The following NRCAM variants were observed in gnomAD, a reference collection of about 807,000 sequenced individuals.
NRCAM encodes the protein NgCAM-related cell adhesion molecule.
NRCAM carries 83 observed loss-of-function variants against 156.5 expected under a neutral mutation model. The ratio of observed to expected loss-of-function variants is 0.53; its 90% CI spans 0.44 to 0.64. The LOEUF (loss-of-function observed/expected upper bound fraction) is 0.64, where lower values mean the gene tolerates loss of function less well. Ranked by LOEUF, NRCAM falls within the 30% of genes least tolerant of loss-of-function variation. The pLI, the probability that NRCAM is intolerant of heterozygous loss-of-function variation, is 0.00. For missense variants in NRCAM, 1,417 were observed against 1,597.3 expected (o/e 0.89, Z 1.92); for synonymous variants, 538 against 563.9 (o/e 0.95, Z 0.65).
chr7:108,332,817 G>C (rs1309662413), intron 2 of NRCAM, among the ~76,000 whole-genome samples: 2 of 152,124 alleles, frequency 1.3e-5, no homozygotes, highest in African/African-American at 4.8e-5. Context: ...TTTAAAGTCA[G>C]TGAGAATTAT....
chr7:108,207,546 T>G lies in NRCAM; in HGVS notation c.1189A>C (p.Asn397His). 6.2e-7 allele frequency: 1 copy of G among 1,613,972 alleles called. No homozygotes were observed. The highest frequency in any genetic ancestry group is 8.5e-7 in the Non-Finnish European group (1 of 1,179,942). ...AACTTACTTTCTATTGGGACTCCAT[T>G]TGTTAACCAGCTAATTCTGGGTTTG... is the stretch of plus-strand genomic sequence containing the variant. ...NPKPRISWLT[N>H]GVPIEIAPDD... The change falls in exon 13 of 33, where the codon AAT becomes CAT. Residue 397 changes from asparagine to histidine, a missense_variant. Transcript: ENST00000379028.
chr7:108,374,366 G>GT (rs1340879815), intron 2 of NRCAM, among the ~76,000 whole-genome samples: 1 of 151,882 alleles, frequency 6.6e-6, no homozygotes, highest in Non-Finnish European at 1.5e-5. Context: ...TTGGTATAGT[G>GT]TATCATTTCA....
chr7:108,333,579 T>C lies in NRCAM; in HGVS notation c.-173-20848A>G, dbSNP rs117034219. 2.3e-3 allele frequency among the ~76,000 whole-genome samples: 344 copies of C among 152,314 alleles called. 14 individuals are homozygous for C. In the East Asian group the frequency reaches 0.049, roughly 22 times the overall value. On this transcript the variant is annotated intron_variant, in intron 2 of 32. Coordinates refer to ENST00000379028, the MANE Select transcript of NRCAM (RefSeq NM_001037132.4). ...TTAGAAAAAAATTTAACAAATTGTC[T>C]TTTATAACAGTTGTTACAATGATGT...
At chr7:108,415,344 G>A (rs75616307) in intron 1 of NRCAM, among the ~76,000 whole-genome samples, 4,668 of 152,274 alleles carry the variant, frequency 0.031, 122 homozygotes, top group African/African-American at 0.072. Flanking sequence ...CACTTCCCCA[G>A]TCAGCCTGAA....
rs370749052 is a variant in NRCAM at position 108,393,349 on chromosome 7, G to A, written c.-174+6087C>T. 3.2e-4 allele frequency among the ~76,000 whole-genome samples: 48 copies of A among 152,266 alleles called. 1 individual carries two copies. The South Asian group carries it at 9.3e-3, about 30-fold the overall frequency. On this transcript the variant is annotated intron_variant, in intron 2 of 32. Coordinates refer to ENST00000379028, the MANE Select transcript of NRCAM (RefSeq NM_001037132.4). ...TAGCAACAAGCAAGGCTCTGTGGGC[G>A]TGGGACCCTCCGAGCCAGGTGCCAG...
intron 11 of NRCAM, among the ~76,000 whole-genome samples, chr7:108,213,002 G>A (rs1490030098): frequency 6.6e-6 from 1 of 152,126 alleles, no homozygotes; most frequent in Non-Finnish European, 1.5e-5. Flanking sequence ...ACAAAAGCAT[G>A]AGGTAACCTA....
chr7:108,298,877 G>A (rs181005722), intron 3 of NRCAM, among the ~76,000 whole-genome samples: 104 of 150,736 alleles, frequency 6.9e-4, no homozygotes, highest in African/African-American at 2.4e-3. Flanking sequence ...AAGCCGAGGC[G>A]GGCAGATCAC....
chr7:108,195,904 T>C (rs770233533), intron 14 of NRCAM, 32 bp from the exon 15 acceptor site: 2 of 1,307,238 alleles, frequency 1.5e-6, no homozygotes, highest in Non-Finnish European at 2.2e-6. Context: ...AAAGTAAATA[T>C]TAGAATACAT....
chr7:108,208,029 C>T (rs528935536), intron 12 of NRCAM, among the ~76,000 whole-genome samples: 35 of 152,076 alleles, frequency 2.3e-4, no homozygotes, highest in Admixed American at 7.2e-4. Flanking sequence ...CATGGTGGCT[C>T]ATGCCTGTAA....
rs776347037 is a variant in NRCAM at position 108,178,072 on chromosome 7, T to G, written c.2892A>C (p.Thr964=). ...CCCATTCCAAAGTGAGAGAGTCCAG[T>G]GTTGGATTCACAATCTTCAAAGACG... ...APSSLKIVNP[T]LDSLTLEWDP... is the part of the protein sequence containing the mutation. The change falls in exon 26 of 33, where the codon ACA becomes ACC. Residue 964 remains threonine, a synonymous_variant. Coordinates refer to ENST00000379028, the MANE Select transcript of NRCAM (RefSeq NM_001037132.4). 7 of 1,613,548 alleles carry G rather than the reference T, an allele frequency of 4.3e-6. No homozygotes were observed. Among genetic ancestry groups the G allele is most frequent in the Non-Finnish European group, 5.9e-6 (7 of 1,179,682 alleles).
intron 3 of NRCAM, among the ~76,000 whole-genome samples, chr7:108,253,911 T>C (rs2096497558): frequency 6.6e-6 from 1 of 152,144 alleles, no homozygotes; most frequent in Admixed American, 6.5e-5. Context: ...GACAACAATA[T>C]ACTCAGCCTC....
intron 15 of NRCAM, 144 bp downstream of exon 15, chr7:108,195,617 C>CGAGA: frequency 1.4e-5 from 7 of 484,540 alleles, no homozygotes; most frequent in East Asian, 3.1e-5. Context: ...CTCTGTCTCA[C>CGAGA]AAGAAAAAAA....
At chr7:108,335,236 T>C (rs1014374995) in intron 2 of NRCAM, among the ~76,000 whole-genome samples, 3 of 152,162 alleles carry the variant, frequency 2.0e-5, no homozygotes, top group African/African-American at 7.2e-5. Context: ...ATGTTGACCA[T>C]GCCACACAAA....
At chr7:108,404,391 T>A (rs765908452) in intron 1 of NRCAM, among the ~76,000 whole-genome samples, 2 of 152,180 alleles carry the variant, frequency 1.3e-5, no homozygotes, top group Non-Finnish European at 2.9e-5. Context: ...TAATACCAAT[T>A]TATGTTCTAT....
intron 3 of NRCAM, among the ~76,000 whole-genome samples, chr7:108,270,814 C>T (rs2154045049): frequency 6.6e-6 from 1 of 152,288 alleles, no homozygotes; most frequent in South Asian, 2.1e-4. Context: ...ATGAGTTACC[C>T]AGAATAGTCA....
intron 32 of NRCAM, among the ~76,000 whole-genome samples, chr7:108,157,595 T>C (rs2046307770): frequency 6.6e-6 from 1 of 152,116 alleles, no homozygotes; most frequent in Non-Finnish European, 1.5e-5. Flanking sequence ...GGGGTACATG[T>C]GCAAGTTTGT....
intron 3 of NRCAM, among the ~76,000 whole-genome samples, chr7:108,258,990 G>A (rs1406378544): frequency 6.6e-6 from 1 of 152,130 alleles, no homozygotes; most frequent in African/African-American, 2.4e-5. Context: ...TAAGATTAAT[G>A]AATATTAAAA....
chr7:108,260,484 T>C (rs1233942170), intron 3 of NRCAM, among the ~76,000 whole-genome samples: 1 of 151,966 alleles, frequency 6.6e-6, no homozygotes, highest in Non-Finnish European at 1.5e-5. Context: ...AGCTGCCGAG[T>C]GTGACTGATT....
intron 7 of NRCAM, among the ~76,000 whole-genome samples, chr7:108,231,963 T>C (rs1433281837): frequency 1.3e-5 from 2 of 152,170 alleles, no homozygotes; most frequent in African/African-American, 4.8e-5. Context: ...AGAAATAGCA[T>C]TTAGACCTTG....
Sources: allele counts gnomAD v4.1 joint callset (sites outside exome capture counted in the v4.1 genomes callset), GRCh38; gene constraint gnomAD v4.1.1; transcripts MANE v1.5; gene names NCBI Gene and HGNC (gene_info 2026-07-23, HGNC 2026-07-21).